AJAP1: variants seen among roughly 807,000 people sequenced by gnomAD.
AJAP1 encodes the protein adherens junctions associated protein 1, also known as adherens junction-associated protein 1.
Under a neutral mutation model 35.0 loss-of-function variants are expected in AJAP1, and 5 were observed. The observed-to-expected ratio is 0.14, with a 90% CI of 0.07 to 0.30. AJAP1 has a LOEUF of 0.30. AJAP1 is among the 10% of genes least tolerant of loss of function. The probability of loss-of-function intolerance (pLI) is 1.00; values close to 1 mark genes in which losing one functional copy is unlikely to be tolerated. For missense variants in AJAP1, 586 were observed against 571.0 expected (o/e 1.03, Z -0.27); for synonymous variants, 284 against 249.3 (o/e 1.14, Z -1.31).
chr1:4,750,032 TTGTG>T (rs55677440), intron 2 of AJAP1, among the ~76,000 whole-genome samples: 4 of 150,338 alleles, frequency 2.7e-5, no homozygotes, highest in East Asian at 2.0e-4. Context: ...GTGCATGTGT[TTGTG>T]TGTGTGTGTG....
At chr1:4,735,041 C>T (rs913353746) in intron 2 of AJAP1, among the ~76,000 whole-genome samples, 2 of 152,210 alleles carry the variant, frequency 1.3e-5, no homozygotes, top group Admixed American at 6.5e-5. Flanking sequence ...TTTGCTTACA[C>T]GTATGAGCTC....
chr1:4,730,466 A>G (rs1436689769), intron 2 of AJAP1, among the ~76,000 whole-genome samples: 4 of 151,956 alleles, frequency 2.6e-5, no homozygotes, highest in Non-Finnish European at 5.9e-5. Flanking sequence ...GATCCCTCTC[A>G]TTTTTACAAA....
At chr1:4,687,440 C>T (rs2100219267) in intron 1 of AJAP1, among the ~76,000 whole-genome samples, 1 of 152,332 alleles carries the variant, frequency 6.6e-6, no homozygotes, top group Non-Finnish European at 1.5e-5. Context: ...AGCGTGAGGT[C>T]AAGCCTTGGT....
At chr1:4,771,453 G>A (rs552818990) in intron 3 of AJAP1, among the ~76,000 whole-genome samples, 9 of 152,332 alleles carry the variant, frequency 5.9e-5, no homozygotes, top group African/African-American at 1.7e-4. Flanking sequence ...GGAAGGGGCG[G>A]GCAGGGGAAA....
intron 1 of AJAP1, among the ~76,000 whole-genome samples, chr1:4,666,013 G>A (rs61765004): frequency 0.049 from 7,532 of 152,254 alleles, 277 homozygotes; most frequent in East Asian, 0.19. Context: ...TGCCGTTTAC[G>A]GAGCACTGGT....
intron 4 of AJAP1, among the ~76,000 whole-genome samples, chr1:4,772,737 G>A (rs1641864902): frequency 6.6e-6 from 1 of 152,224 alleles, no homozygotes; most frequent in Non-Finnish European, 1.5e-5. Context: ...AGAGAATACA[G>A]TGGCTGGAAT....
chr1:4,727,017 C>G (rs1432489588), intron 2 of AJAP1, among the ~76,000 whole-genome samples: 1 of 152,230 alleles, frequency 6.6e-6, no homozygotes, highest in Non-Finnish European at 1.5e-5. Context: ...AGCCCAGCCC[C>G]CCGGCGTGGG....
chr1:4,679,811 GTGTGTGTGT>G (rs1639440295), intron 1 of AJAP1, among the ~76,000 whole-genome samples: 8 of 57,348 alleles, frequency 1.4e-4, no homozygotes, highest in African/African-American at 5.0e-4. Flanking sequence ...CCAATAGGGT[GTGTGTGTGT>G]GTGTGTGTGT....
Position 4,710,821 on chromosome 1 carries a change from T to C in AJAP1, c.30-1079T>C, listed in dbSNP as rs550190427. ...GCTCCTCTGAGCCCTTCCACGTGGC[T>C]CTCTGCCGCGCCCTGGTTTTCATGT... On this transcript the variant is annotated intron_variant, in intron 1 of 5. Transcript: ENST00000378191. Among the ~76,000 whole-genome samples, 12 of 152,328 alleles carry C rather than the reference T, an allele frequency of 7.9e-5. No homozygotes were observed. The South Asian group carries it at 2.1e-3, about 26-fold the overall frequency.
rs191140050 is a variant in AJAP1, at chr1:4,783,426, A to G, written c.*941A>G. 2.5e-4 allele frequency: 35 copies of G among 141,226 alleles called. No individual in the cohort carries two copies. The highest frequency in any genetic ancestry group is 8.7e-4 in the African/African-American group (33 of 37,944). The allele number at this position is 141,226 out of a possible 1,614,324, so 8.7% of individuals were successfully genotyped here. A position where few individuals can be genotyped will look rare whatever the true frequency, so the allele number is the denominator to read the frequency against. On this transcript the variant is annotated 3_prime_UTR_variant, in exon 6 of 6. Transcript: ENST00000378191. Reference sequence around the variant, plus strand: ...AGTGGCATCAAATGTGTGACTTACTATCTTGGGCCAGAACTAAGAATGCCA... The same window carrying G: ...AGTGGCATCAAATGTGTGACTTACTGTCTTGGGCCAGAACTAAGAATGCCA...
chr1:4,681,669 A>C (rs1051375804), intron 1 of AJAP1, among the ~76,000 whole-genome samples: 2 of 152,206 alleles, frequency 1.3e-5, no homozygotes, highest in African/African-American at 4.8e-5. Flanking sequence ...CCTCACTCCC[A>C]TCAGAGGTAC....
chr1:4,708,159 G>C (rs1640143130), intron 1 of AJAP1, among the ~76,000 whole-genome samples: 1 of 151,706 alleles, frequency 6.6e-6, no homozygotes, highest in Non-Finnish European at 1.5e-5. Flanking sequence ...GTAGAGACAG[G>C]GTTTCACCAT....
rs756046383 is a variant in AJAP1, at chr1:4,655,457, G to T, written c.29+3G>T. On this transcript the variant is annotated splice_donor_region_variant and intron_variant, in intron 1 of 5. Coordinates refer to ENST00000378191, the MANE Select transcript of AJAP1 (RefSeq NM_018836.4). The surrounding 1 kb of genome is among the most constrained non-coding windows in gnomAD (Gnocchi z 6.9). ...ATTCAACAGCTTTTAGGACTCAGGT[G>T]AGCGACCCGGCCGGCGCCGGGTGCG... 1 of 1,568,590 alleles carries T rather than the reference G, an allele frequency of 6.4e-7. No homozygotes were observed.
intron 1 of AJAP1, among the ~76,000 whole-genome samples, chr1:4,678,685 G>A (rs148815145): frequency 1.6e-4 from 25 of 152,320 alleles, no homozygotes; most frequent in African/African-American, 5.8e-4. Flanking sequence ...GCTGTATCCT[G>A]TTGGCTAGAA....
chr1:4,723,146 G>A lies in AJAP1; in HGVS notation c.829+10447G>A, dbSNP rs771142094. Among the ~76,000 whole-genome samples the A allele has an allele frequency of 6.6e-6, 1 of 152,150 alleles. No homozygotes were observed. The highest frequency in any genetic ancestry group is 2.4e-5 in the African/African-American group (1 of 41,434). ...AGAGAACCATCTAGAGGGTCCCTGAGGTTTTAGTCTGAGCAACTCTTTCTT... is the reference window on the plus strand; with the variant it reads ...AGAGAACCATCTAGAGGGTCCCTGAAGTTTTAGTCTGAGCAACTCTTTCTT... On this transcript the variant is annotated intron_variant, in intron 2 of 5. Transcript: ENST00000378191. This position sits in a 1 kb window ranked among gnomAD's most constrained non-coding sequence, Gnocchi z 4.3.
At chr1:4,678,351 C>T (rs1292123378) in intron 1 of AJAP1, among the ~76,000 whole-genome samples, 1 of 152,224 alleles carries the variant, frequency 6.6e-6, no homozygotes, top group Non-Finnish European at 1.5e-5. Flanking sequence ...CATATTATCT[C>T]ACATGTTCCC....
Position 4,712,667 on chromosome 1 carries a change from C to T in AJAP1, c.797C>T (p.Thr266Ile), listed in dbSNP as rs766424065. The T allele has an allele frequency of 3.9e-6, 6 of 1,519,924 alleles. No homozygotes were observed. Among genetic ancestry groups the T allele is most frequent in the Non-Finnish European group, 5.3e-6 (6 of 1,129,864 alleles). The allele number at this position is 1,519,924 out of a possible 1,614,324, so 94.2% of individuals were successfully genotyped here. A position where few individuals can be genotyped will look rare whatever the true frequency, so the allele number is the denominator to read the frequency against. Residue 266 changes from threonine (T) to isoleucine (I), a missense_variant, in exon 2 of 6, where the codon ACC becomes ATC. By Grantham distance (89) the Thr-to-Ile change is moderately conservative (BLOSUM62 -1). Coordinates refer to ENST00000378191, the MANE Select transcript of AJAP1 (RefSeq NM_018836.4). ...AGTCCCAGCAACAACGGGGAAGTCA[C>T]CCAGCCCCCAAGGATTCTGGGGGAG... ...STSPSNNGEVTQPPRILGEAS... is the reference protein window; with the variant it reads ...STSPSNNGEVIQPPRILGEAS...
chr1:4,778,592 TCTCTCTC>T (rs1373304780), intron 5 of AJAP1, among the ~76,000 whole-genome samples: 97 of 113,388 alleles, frequency 8.6e-4, no homozygotes, highest in African/African-American at 2.9e-3. Flanking sequence ...TCTCTCTCTC[TCTCTCTC>T]TCTCTCTCTC....
chr1:4,770,053 C>G, intron 3 of AJAP1, 113 bp downstream of exon 3: 1 of 961,482 alleles, frequency 1.0e-6, no homozygotes, highest in South Asian at 1.4e-5. Context: ...CTGGCTTCTG[C>G]CCTGGGCAGT....
Sources: allele counts gnomAD v4.1 joint callset (sites outside exome capture counted in the v4.1 genomes callset), GRCh38; gene constraint gnomAD v4.1.1; non-coding constraint Gnocchi (gnomAD v3.1); transcripts MANE v1.5; gene names NCBI Gene and HGNC (gene_info 2026-07-23, HGNC 2026-07-21).